The following ANXA4 variants were observed in gnomAD, a reference collection of about 807,000 sequenced individuals.
The protein encoded by ANXA4 is annexin A4, also known as 35-beta calcimedin.
Under a neutral mutation model 49.8 loss-of-function variants are expected in ANXA4, and 39 were observed. That is an observed-to-expected ratio of 0.78 (90% confidence interval 0.61 to 1.02). The LOEUF is 1.02. Among genes scored for constraint, ANXA4 ranks in the 50% least tolerant of loss-of-function variants. The pLI is 0.00. For synonymous variants in ANXA4, 134 were observed against 152.5 expected (o/e 0.88, Z 0.89); for missense variants, 360 against 410.1 (o/e 0.88, Z 1.05).
chr2:69,786,905 TG>T (rs1672441023), intron 2 of ANXA4, among the ~76,000 whole-genome samples: 1 of 151,974 alleles, frequency 6.6e-6, no homozygotes, highest in South Asian at 2.1e-4. Context: ...TGTATGTTTT[TG>T]TAGAGATGAG....
intron 1 of ANXA4, among the ~76,000 whole-genome samples, chr2:69,775,844 A>G (rs997931535): frequency 1.3e-5 from 2 of 152,082 alleles, no homozygotes; most frequent in African/African-American, 4.8e-5. Context: ...TGAAATAGGA[A>G]CTCGTGGTTA....
chr2:69,688,255 A>G (rs956772898), intron 2 of ANXA4, among the ~76,000 whole-genome samples: 8 of 152,118 alleles, frequency 5.3e-5, no homozygotes, highest in Non-Finnish European at 8.8e-5. Context: ...TCTTTCCCCT[A>G]TATTTTCTGT....
intron 3 of ANXA4, among the ~76,000 whole-genome samples, chr2:69,798,762 A>G (rs1413035157): frequency 2.0e-5 from 3 of 152,178 alleles, no homozygotes; most frequent in African/African-American, 7.2e-5. Context: ...CTCGGAAGTG[A>G]AAGTAGAGTC....
At position 69,715,729 on chromosome 2, in the gene ANXA4, A is replaced by G. The variant is rs191985034; in HGVS notation, n.767-5045A>G. Reference sequence around the variant, plus strand: ...GGCTCTATGTCTATCTGAGTCCAAAATGTGTTTTGTCCCCTTCTGTGCCTA... The same window carrying G: ...GGCTCTATGTCTATCTGAGTCCAAAGTGTGTTTTGTCCCCTTCTGTGCCTA... On this transcript the variant is annotated intron_variant and non_coding_transcript_variant, in intron 2 of 3. Coordinates refer to the ANXA4 transcript ENST00000418066. Among the ~76,000 whole-genome samples the G allele has an allele frequency of 1.9e-3, 293 of 152,322 alleles. 1 individual carries two copies. Among genetic ancestry groups the G allele is most frequent in the African/African-American group, 6.9e-3 (286 of 41,566 alleles).
At chr2:69,771,312 G>A (rs921603190) in intron 1 of ANXA4, among the ~76,000 whole-genome samples, 2 of 152,080 alleles carry the variant, frequency 1.3e-5, no homozygotes, top group South Asian at 4.1e-4. Context: ...CACCCTTTCC[G>A]TAGGACAGGG....
At chr2:69,799,574 T>G (rs991724286) in intron 3 of ANXA4, among the ~76,000 whole-genome samples, 6 of 152,236 alleles carry the variant, frequency 3.9e-5, no homozygotes, top group Admixed American at 1.3e-4. Flanking sequence ...TTACCCTAAA[T>G]GTCTACCTAA....
intron 3 of ANXA4, among the ~76,000 whole-genome samples, chr2:69,804,154 A>G (rs1673336732): frequency 6.6e-6 from 1 of 151,464 alleles, no homozygotes; most frequent in Non-Finnish European, 1.5e-5. Flanking sequence ...AAAAAAAAAA[A>G]AAAAATATTC....
At chr2:69,785,210 C>A (rs1436572396) in intron 2 of ANXA4, among the ~76,000 whole-genome samples, 1 of 152,140 alleles carries the variant, frequency 6.6e-6, no homozygotes, top group African/African-American at 2.4e-5. Context: ...GCCCTGGGTA[C>A]CTGAGGACTT....
chr2:69,716,265 C>T (rs1669613717), intron 2 of ANXA4, among the ~76,000 whole-genome samples: 1 of 152,172 alleles, frequency 6.6e-6, no homozygotes, highest in South Asian at 2.1e-4. Flanking sequence ...GTTAATACAT[C>T]CCCTTTTAAC....
intron 10 of ANXA4, 49 bp from the exon 11 acceptor site, chr2:69,819,231 T>C (rs1674128469): frequency 1.5e-6 from 2 of 1,351,874 alleles, no homozygotes; most frequent in Non-Finnish European, 2.0e-6. Flanking sequence ...TCTTTTTTCA[T>C]GGGTCTTATC....
At chr2:69,797,038 C>G (rs1160919185) in intron 3 of ANXA4, among the ~76,000 whole-genome samples, 3 of 152,152 alleles carry the variant, frequency 2.0e-5, no homozygotes, top group Non-Finnish European at 4.4e-5. Context: ...CTGGCCATGT[C>G]TGTTCATCCC....
At position 69,807,439 on chromosome 2, in the gene ANXA4, G is replaced by A. The variant is rs1047895789; in HGVS notation, c.307-467G>A. Among the ~76,000 whole-genome samples the A allele has an allele frequency of 2.6e-5, 4 of 152,104 alleles. No homozygotes were observed. The East Asian group carries it at 5.8e-4, about 22-fold the overall frequency. On this transcript the variant is annotated intron_variant, in intron 5 of 12. Coordinates refer to ENST00000394295, the MANE Select transcript of ANXA4 (RefSeq NM_001153.5). ...TATAAATGGTCCCCACCTTAGGATG[G>A]TTCTACTTAAAAATTTTCAGTGTAT...
chr2:69,747,839 C>CTTA (rs1271991693), intron 1 of ANXA4, among the ~76,000 whole-genome samples: 1 of 151,762 alleles, frequency 6.6e-6, no homozygotes, highest in Non-Finnish European at 1.5e-5. Context: ...GCATGCCCAG[C>CTTA]TTATTATTAT....
intron 3 of ANXA4, among the ~76,000 whole-genome samples, chr2:69,728,586 CAT>C (rs2105442092): frequency 6.6e-6 from 1 of 152,282 alleles, no homozygotes; most frequent in South Asian, 2.1e-4. Context: ...TATTTTTTCA[CAT>C]GATATCCAAC....
intron 2 of ANXA4, among the ~76,000 whole-genome samples, chr2:69,714,229 G>A (rs1300430548): frequency 1.3e-5 from 2 of 152,202 alleles, no homozygotes; most frequent in Non-Finnish European, 2.9e-5. Flanking sequence ...GGGGGGTGGG[G>A]TAAGGGTGGA....
At chr2:69,654,545 T>C (rs922041822) in intron 2 of ANXA4, among the ~76,000 whole-genome samples, 8 of 152,376 alleles carry the variant, frequency 5.3e-5, no homozygotes, top group South Asian at 2.1e-4. Context: ...GAGATAATCA[T>C]GTAGTTTTTG....
chr2:69,711,872 G>A (rs1678687396), intron 2 of ANXA4, among the ~76,000 whole-genome samples: 1 of 151,862 alleles, frequency 6.6e-6, no homozygotes, highest in South Asian at 2.1e-4. Flanking sequence ...GAGTTAATGA[G>A]GGCACAGAGA....
intron 3 of ANXA4, among the ~76,000 whole-genome samples, chr2:69,803,996 G>T (rs1262047675): frequency 2.0e-5 from 3 of 151,962 alleles, no homozygotes; most frequent in Non-Finnish European, 4.4e-5. Context: ...AAATTCGCTG[G>T]GGGTGGTGGC....
At chr2:69,667,479 A>G (rs1461289378) in intron 2 of ANXA4, among the ~76,000 whole-genome samples, 1 of 151,380 alleles carries the variant, frequency 6.6e-6, no homozygotes, top group East Asian at 1.9e-4. Context: ...AAAAAAAAGG[A>G]AAGAAAAATA....
Sources: allele counts gnomAD v4.1 joint callset (sites outside exome capture counted in the v4.1 genomes callset), GRCh38; gene constraint gnomAD v4.1.1; transcripts MANE v1.5; gene names NCBI Gene and HGNC (gene_info 2026-07-23, HGNC 2026-07-21).